LRRTM4: variants seen among roughly 807,000 people sequenced by gnomAD.
LRRTM4 encodes leucine rich repeat transmembrane neuronal 4.
In LRRTM4, 25 loss-of-function variants were observed where a neutral mutation model predicts 47.6. The observed-to-expected ratio is 0.53, with a 90% CI of 0.38 to 0.73. LRRTM4 has a LOEUF of 0.73. Among genes scored for constraint, LRRTM4 ranks in the 30% least tolerant of loss-of-function variants. The probability of loss-of-function intolerance (pLI) is 0.00; values close to 1 mark genes in which losing one functional copy is unlikely to be tolerated. For synonymous variants in LRRTM4, 311 were observed against 269.5 expected, an observed-to-expected ratio of 1.15 and a Z score of -1.51; for missense variants, 638 against 713.4, an observed-to-expected ratio of 0.89 and a Z score of 1.20.
intron 3 of LRRTM4, among the ~76,000 whole-genome samples, chr2:77,363,839 T>C (rs1312846040): frequency 2.0e-5 from 3 of 152,116 alleles, no homozygotes; most frequent in Non-Finnish European, 4.4e-5. Flanking sequence ...GCTTTGGAAT[T>C]TTAACAAAAC....
intron 3 of LRRTM4, among the ~76,000 whole-genome samples, chr2:77,241,857 C>T (rs1675278179): frequency 6.6e-6 from 1 of 151,886 alleles, no homozygotes; most frequent in South Asian, 2.1e-4. Flanking sequence ...GTCTTAGGTC[C>T]AATATAGTTT....
At chr2:77,372,800 G>A (rs1672698607) in intron 3 of LRRTM4, among the ~76,000 whole-genome samples, 1 of 151,460 alleles carries the variant, frequency 6.6e-6, no homozygotes, top group Admixed American at 6.6e-5. Flanking sequence ...GTCTTTTGGG[G>A]TAGGGATGAG....
chr2:76,757,991 A>T (rs1013964603), intron 3 of LRRTM4, among the ~76,000 whole-genome samples: 1 of 152,180 alleles, frequency 6.6e-6, no homozygotes, highest in Non-Finnish European at 1.5e-5. Flanking sequence ...AATCGGCATT[A>T]CAGAGTTTTC....
chr2:77,474,138 G>A (rs763148947), intron 3 of LRRTM4, among the ~76,000 whole-genome samples: 20 of 151,544 alleles, frequency 1.3e-4, no homozygotes, highest in Admixed American at 1.1e-3. Context: ...TTCTATTTTC[G>A]GAAAAAAGAA....
At chr2:77,449,657 T>C (rs1332429128) in intron 3 of LRRTM4, among the ~76,000 whole-genome samples, 1 of 152,202 alleles carries the variant, frequency 6.6e-6, no homozygotes, top group Non-Finnish European at 1.5e-5. Flanking sequence ...TAGCCGGGAC[T>C]ATACGGAATA....
intron 3 of LRRTM4, among the ~76,000 whole-genome samples, chr2:77,140,442 ATCCCT>A (rs948568939): frequency 2.6e-5 from 4 of 152,216 alleles, no homozygotes; most frequent in Non-Finnish European, 4.4e-5. Context: ...CTGAAACTGG[ATCCCT>A]TCCTTACACC....
intron 3 of LRRTM4, among the ~76,000 whole-genome samples, chr2:77,304,928 C>A (rs563219850): frequency 6.6e-6 from 1 of 151,934 alleles, no homozygotes; most frequent in African/African-American, 2.4e-5. Flanking sequence ...GTTGTTAAAA[C>A]GATATCATTT....
chr2:76,807,387 T>TATAC (rs1219690497), intron 3 of LRRTM4, among the ~76,000 whole-genome samples: 2 of 126,500 alleles, frequency 1.6e-5, no homozygotes, highest in African/African-American at 3.6e-5. Flanking sequence ...TCATTTTATA[T>TATAC]ATATATATAT....
At chr2:76,861,105 A>G (rs1672298866) in intron 3 of LRRTM4, among the ~76,000 whole-genome samples, 2 of 152,216 alleles carry the variant, frequency 1.3e-5, no homozygotes, top group East Asian at 3.9e-4. Context: ...GTTTTTTGAT[A>G]AAACATTTTG....
At chr2:77,098,543 TG>T (rs1443754254) in intron 3 of LRRTM4, among the ~76,000 whole-genome samples, 1 of 152,024 alleles carries the variant, frequency 6.6e-6, no homozygotes, top group Non-Finnish European at 1.5e-5. Context: ...ACTTTAAAAT[TG>T]GTAGGAATAA....
intron 3 of LRRTM4, among the ~76,000 whole-genome samples, chr2:77,026,959 G>GA (rs978812996): frequency 3.3e-5 from 5 of 152,158 alleles, no homozygotes; most frequent in African/African-American, 1.2e-4. Flanking sequence ...GCCAAGCAAA[G>GA]AAAATCACCC....
chr2:77,075,641 C>A (rs191518016), intron 3 of LRRTM4, among the ~76,000 whole-genome samples: 3 of 151,868 alleles, frequency 2.0e-5, no homozygotes, highest in African/African-American at 4.8e-5. Context: ...TGGGGCCGGG[C>A]GCGGTGGCTC....
At chr2:76,855,736 C>G (rs927291116) in intron 3 of LRRTM4, among the ~76,000 whole-genome samples, 1 of 152,154 alleles carries the variant, frequency 6.6e-6, no homozygotes, top group African/African-American at 2.4e-5. Context: ...AGAGAAATCA[C>G]TGTCCTGTAG....
chr2:77,481,421 C>A (rs918301298), intron 3 of LRRTM4, among the ~76,000 whole-genome samples: 3 of 152,164 alleles, frequency 2.0e-5, no homozygotes, highest in Admixed American at 1.3e-4. Flanking sequence ...TTAGTCTCCC[C>A]TGCTTATCCC....
chr2:77,067,698 CACACACACACACACACACATACAT>C (rs1274376453), intron 3 of LRRTM4, among the ~76,000 whole-genome samples: 2 of 151,192 alleles, frequency 1.3e-5, no homozygotes, highest in African/African-American at 4.9e-5. Context: ...CACACACACA[CACACACACACACACACACATACAT>C]ATTTCAGGAA....
chr2:76,822,492 G>A (rs893353606), intron 3 of LRRTM4, among the ~76,000 whole-genome samples: 1 of 151,248 alleles, frequency 6.6e-6, no homozygotes, highest in Non-Finnish European at 1.5e-5. Context: ...AGAAATAATA[G>A]AAAACAAACA....
At chr2:77,332,479 A>G (rs1258824515) in intron 3 of LRRTM4, among the ~76,000 whole-genome samples, 1 of 152,188 alleles carries the variant, frequency 6.6e-6, no homozygotes, top group African/African-American at 2.4e-5. Context: ...GTATGTATGC[A>G]TAGGATAATA....
At chr2:77,238,635 CA>C (rs1675175925) in intron 3 of LRRTM4, among the ~76,000 whole-genome samples, 2 of 151,856 alleles carry the variant, frequency 1.3e-5, no homozygotes, top group African/African-American at 4.8e-5. Flanking sequence ...AAAATTAAAA[CA>C]ATACTGGACA....
At chr2:77,360,165 T>C (rs1217802409) in intron 3 of LRRTM4, among the ~76,000 whole-genome samples, 1 of 152,102 alleles carries the variant, frequency 6.6e-6, no homozygotes, top group Admixed American at 6.6e-5. Flanking sequence ...CAATAATAAA[T>C]AGTGCTTGTA....
Sources: allele counts gnomAD v4.1 joint callset (sites outside exome capture counted in the v4.1 genomes callset), GRCh38; gene constraint gnomAD v4.1.1; transcripts MANE v1.5; gene names NCBI Gene and HGNC (gene_info 2026-07-23, HGNC 2026-07-21).